Variants in TSPAN3 observed in about 807,000 individuals in gnomAD.
TSPAN3 encodes the protein tetraspanin-3.
A neutral mutation model predicts 31.1 loss-of-function variants in TSPAN3; 9 were observed. The ratio of observed to expected loss-of-function variants is 0.29; its 90% confidence interval spans 0.17 to 0.50. The LOEUF (loss-of-function observed/expected upper bound fraction) is 0.50. Ranked by LOEUF, TSPAN3 falls within the 20% of genes least tolerant of loss-of-function variation. TSPAN3 has a pLI of 0.98. For synonymous variants in TSPAN3, 129 were observed against 114.3 expected (o/e 1.13, Z -0.82); for missense variants, 252 against 313.5 (o/e 0.80, Z 1.48).
At chr15:77,059,014 G>A (rs1013965801) in intron 1 of TSPAN3, among the ~76,000 whole-genome samples, 5 of 152,228 alleles carry the variant, frequency 3.3e-5, no homozygotes, top group African/African-American at 1.2e-4. Flanking sequence ...TGGTACTAGA[G>A]AATGAAGGTG....
chr15:77,069,704 G>T (rs1300097710), intron 1 of TSPAN3, among the ~76,000 whole-genome samples: 1 of 152,146 alleles, frequency 6.6e-6, no homozygotes, highest in African/African-American at 2.4e-5. Context: ...ATCCCTTGTT[G>T]GGGGGTCGGG....
At chr15:77,067,559 A>C (rs2076840934) in intron 1 of TSPAN3, 1 of 152,230 alleles carries the variant, frequency 6.6e-6, no homozygotes, top group Non-Finnish European at 1.5e-5. Flanking sequence ...ACAGTTGCCC[A>C]AGGGAACCTA....
intron 1 of TSPAN3, among the ~76,000 whole-genome samples, chr15:77,069,487 A>G (rs1596173757): frequency 6.6e-6 from 1 of 152,356 alleles, no homozygotes; most frequent in East Asian, 1.9e-4. Context: ...AACTCAAATT[A>G]AAGTATAAGA....
chr15:77,045,259 T>TTCCA lies in TSPAN3; in HGVS notation c.*1572_*1575dup, dbSNP rs1260679757. ...GTCCCACGTCCAATCAATGATCGAA[T>TTCCA]TCCACCACTGTCCTGCCTCCAAACA... On this transcript the variant is annotated 3_prime_UTR_variant, in exon 7 of 7. Transcript: ENST00000267970. The TTCCA allele has an allele frequency of 2.6e-5, 4 of 152,556 alleles. No individual in the cohort carries two copies. Among genetic ancestry groups the TTCCA allele is most frequent in the African/African-American group, 9.7e-5 (4 of 41,398 alleles). 9.5% of individuals were successfully genotyped at this position (152,556 alleles called of 1,614,324 possible).
In TSPAN3 at chr15:77,051,528, TA is replaced by T. The variant is rs575430311; in HGVS notation, c.669+856del. On this transcript the variant is annotated intron_variant, in intron 6 of 6. Transcript: ENST00000267970. ...GGGCAACAAAAGCAAAACTCTGTCG[TA>T]AAAAAAAAAAAAAGAAAAGAAAAGA... 5.4e-3 allele frequency among the ~76,000 whole-genome samples: 693 copies of T among 128,048 alleles called. 3 individuals are homozygous for T. The highest frequency in any genetic ancestry group is 0.023 in the South Asian group (92 of 4,044). The allele number at this position is 128,048 out of a possible 152,430, so 84.0% of individuals were successfully genotyped here.
chr15:77,041,767 G>A lies in TSPAN3; in HGVS notation c.*5068C>T, dbSNP rs1184120221. The A allele has an allele frequency of 6.6e-6, 1 of 152,162 alleles. No homozygotes were observed. The highest frequency in any genetic ancestry group is 2.4e-5 in the African/African-American group (1 of 41,418). 9.4% of individuals were successfully genotyped at this position (152,162 alleles called of 1,614,324 possible). ...CATGTAAAAATACATGACACAGGGT[G>A]ATGAAAGTGCTTTGAAACTAGATAC... On this transcript the variant is annotated 3_prime_UTR_variant, in exon 7 of 7. Transcript: ENST00000267970.
chr15:77,052,777 C>T lies in TSPAN3; in HGVS notation c.585G>A (p.Glu195=), dbSNP rs1409939586. ...SLAHPSDLYA[E]GCEALVVKKL... ...CTCAAGTCGTGGCCAAGAGACTCAC[C>T]TCAGCATAGAGGTCGGAAGGGTGGG... Residue 195 remains glutamate (E), a splice_region_variant and synonymous_variant, in exon 5 of 7, where the codon GAG becomes GAA. Coordinates refer to ENST00000267970, the MANE Select transcript of TSPAN3 (RefSeq NM_005724.6). The T allele has an allele frequency of 1.2e-6, 2 of 1,613,376 alleles. No individual in the cohort carries two copies. The highest frequency in any genetic ancestry group is 1.7e-6 in the Non-Finnish European group (2 of 1,179,414).
chr15:77,062,089 T>C (rs2076804270), intron 1 of TSPAN3, among the ~76,000 whole-genome samples: 1 of 152,232 alleles, frequency 6.6e-6, no homozygotes, highest in Admixed American at 6.5e-5. Context: ...GAATCCATCT[T>C]ATGCATATAT....
intron 6 of TSPAN3, among the ~76,000 whole-genome samples, chr15:77,051,761 A>C (rs2076732600): frequency 6.6e-6 from 1 of 151,918 alleles, no homozygotes; most frequent in Non-Finnish European, 1.5e-5. Flanking sequence ...GAGAGGCTGA[A>C]GCAGGAGGAT....
intron 1 of TSPAN3, chr15:77,064,198 A>T (rs1156602879): frequency 6.6e-6 from 1 of 151,980 alleles, no homozygotes; most frequent in African/African-American, 2.4e-5. Flanking sequence ...TTTTCAATAA[A>T]GACTTACTTG....
intron 1 of TSPAN3, among the ~76,000 whole-genome samples, chr15:77,057,549 A>T (rs1171940134): frequency 6.6e-6 from 1 of 152,254 alleles, no homozygotes; most frequent in African/African-American, 2.4e-5. Flanking sequence ...TTGATTTTTT[A>T]AAATGTAACA....
intron 6 of TSPAN3, among the ~76,000 whole-genome samples, chr15:77,048,840 C>A (rs1047245769): frequency 6.6e-6 from 1 of 151,972 alleles, no homozygotes; most frequent in Non-Finnish European, 1.5e-5. Context: ...AACTGACTGG[C>A]AAAGTAAAAT....
chr15:77,056,068 G>T lies in TSPAN3; in HGVS notation c.251C>A (p.Ala84Asp), dbSNP rs756378132. ...ATIRESRCGL[A>D]TFVIILLLVF... is the part of the protein sequence containing the mutation. ...TGTTCTCACAACACATCTTACCGTGGCAAGTCCACAGCGACTTTCCCGGAT... is the reference window on the plus strand; with the variant it reads ...TGTTCTCACAACACATCTTACCGTGTCAAGTCCACAGCGACTTTCCCGGAT... The change falls in exon 2 of 7, where the codon GCC becomes GAC. Residue 84 changes from alanine (A) to aspartate (D), a missense_variant. By Grantham distance (126) the Ala-to-Asp change is moderately radical. Coordinates refer to ENST00000267970, the MANE Select transcript of TSPAN3 (RefSeq NM_005724.6). 1 of 1,605,110 alleles carries T rather than the reference G, an allele frequency of 6.2e-7. No individual in the cohort carries two copies. The highest frequency in any genetic ancestry group is 8.5e-7 in the Non-Finnish European group (1 of 1,176,392).
At chr15:77,053,059 T>G in intron 4 of TSPAN3, 130 bp from the exon 5 acceptor site, 1 of 910,590 alleles carries the variant, frequency 1.1e-6, no homozygotes, top group Non-Finnish European at 1.6e-6. Flanking sequence ...ATGGAAAGTC[T>G]GCATGATCCA....
Position 77,054,235 on chromosome 15 carries a change from G to C in TSPAN3, c.375C>G (p.Thr125=). The C allele has an allele frequency of 1.9e-6, 3 of 1,613,880 alleles. No homozygotes were observed. The highest frequency in any genetic ancestry group is 2.5e-6 in the Non-Finnish European group (3 of 1,179,880). Residue 125 remains threonine (T), a synonymous_variant, in exon 4 of 7, where the codon ACC becomes ACG. Coordinates refer to ENST00000267970, the MANE Select transcript of TSPAN3 (RefSeq NM_005724.6). ...CAGCATCAGGGTTGGTTCCATTGTA[G>C]GTCTTATACACTTTCTGAATGCTGC... ...VDRSIQKVYK[T]YNGTNPDAAS... is the part of the protein sequence containing the mutation.
At chr15:77,056,758 C>A (rs887391012) in intron 1 of TSPAN3, among the ~76,000 whole-genome samples, 3 of 152,194 alleles carry the variant, frequency 2.0e-5, no homozygotes, top group African/African-American at 7.2e-5. Flanking sequence ...ATGATACCCA[C>A]CCCACTTCCA....
In TSPAN3 at chr15:77,043,208, G is replaced by A. The variant is rs577466660; in HGVS notation, c.*3627C>T. ...CAGGCAACCACAGCCACCCCTCGGA[G>A]GTCTCTCCACCTTGGGGAACCTCCT... On this transcript the variant is annotated 3_prime_UTR_variant, in exon 7 of 7. Coordinates refer to ENST00000267970, the MANE Select transcript of TSPAN3 (RefSeq NM_005724.6). 4 of 152,334 alleles carry A rather than the reference G, an allele frequency of 2.6e-5. No homozygotes were observed. The highest frequency in any genetic ancestry group is 9.6e-5 in the African/African-American group (4 of 41,518). 9.4% of individuals were successfully genotyped at this position (152,334 alleles called of 1,614,324 possible).
chr15:77,058,664 G>A (rs1249050950), intron 1 of TSPAN3, among the ~76,000 whole-genome samples: 1 of 152,104 alleles, frequency 6.6e-6, no homozygotes, highest in Non-Finnish European at 1.5e-5. Flanking sequence ...ACAGTACTTG[G>A]CAGACAGCAG....
chr15:77,051,952 G>T (rs2076734237), intron 6 of TSPAN3, among the ~76,000 whole-genome samples: 1 of 152,132 alleles, frequency 6.6e-6, no homozygotes, highest in African/African-American at 2.4e-5. Context: ...TGTGAGGACA[G>T]AAAAACAAGA....
Sources: allele counts gnomAD v4.1 joint callset (sites outside exome capture counted in the v4.1 genomes callset), GRCh38; gene constraint gnomAD v4.1.1; transcripts MANE v1.5; gene names NCBI Gene and HGNC (gene_info 2026-07-23, HGNC 2026-07-21).